CDH8: variants seen among roughly 807,000 people sequenced by gnomAD.
The protein encoded by CDH8 is cadherin-8.
Under a neutral mutation model 68.1 loss-of-function variants are expected in CDH8, and 17 were observed. The observed-to-expected ratio is 0.25, with a 90% confidence interval of 0.17 to 0.37. CDH8 has a LOEUF of 0.37. Ranked by LOEUF, CDH8 falls within the 10% of genes least tolerant of loss-of-function variation. The pLI, the probability that CDH8 is intolerant of heterozygous loss-of-function variation, is 1.00. For missense variants in CDH8, 763 were observed against 999.3 expected, an observed-to-expected ratio of 0.76 and a Z score of 3.19; for synonymous variants, 372 against 365.1, an observed-to-expected ratio of 1.02 and a Z score of -0.21.
At chr16:61,844,291 G>T (rs1409737025) in intron 4 of CDH8, among the ~76,000 whole-genome samples, 19 of 115,004 alleles carry the variant, frequency 1.7e-4, no homozygotes, top group Non-Finnish European at 2.8e-4. Flanking sequence ...TGGGGGGAGG[G>T]GGGAGGGAGG....
intron 2 of CDH8, among the ~76,000 whole-genome samples, chr16:61,931,089 T>C (rs1399574314): frequency 6.6e-6 from 1 of 152,204 alleles, no homozygotes; most frequent in Non-Finnish European, 1.5e-5. Context: ...CATTTCGAAA[T>C]TGTGAGATAT....
At chr16:61,751,830 G>A (rs1960174745) in intron 8 of CDH8, among the ~76,000 whole-genome samples, 2 of 151,944 alleles carry the variant, frequency 1.3e-5, no homozygotes, top group Non-Finnish European at 1.5e-5. Context: ...AACTAAGCAC[G>A]TTATTATACT....
At chr16:61,886,889 T>C (rs1213663055) in intron 3 of CDH8, among the ~76,000 whole-genome samples, 3 of 152,186 alleles carry the variant, frequency 2.0e-5, no homozygotes, top group African/African-American at 7.2e-5. Flanking sequence ...AAGCAACCTA[T>C]ATAAGCTAAC....
chr16:61,915,147 G>T (rs538683666), intron 2 of CDH8, among the ~76,000 whole-genome samples: 1 of 151,834 alleles, frequency 6.6e-6, no homozygotes, highest in Admixed American at 6.6e-5. Context: ...TTACTTTTTC[G>T]ATGTTTTCTA....
intron 2 of CDH8, among the ~76,000 whole-genome samples, chr16:62,005,563 C>G (rs903669581): frequency 6.6e-6 from 1 of 151,748 alleles, no homozygotes; most frequent in Non-Finnish European, 1.5e-5. Context: ...TGGTGAAACT[C>G]CATCTCTACT....
At chr16:61,924,650 A>T (rs1481189858) in intron 2 of CDH8, among the ~76,000 whole-genome samples, 1 of 152,144 alleles carries the variant, frequency 6.6e-6, no homozygotes, top group Non-Finnish European at 1.5e-5. Context: ...ATGGAACAAT[A>T]TAATCAGAAG....
chr16:61,690,011 A>T (rs1964186605), intron 10 of CDH8, among the ~76,000 whole-genome samples: 1 of 152,032 alleles, frequency 6.6e-6, no homozygotes, highest in African/African-American at 2.4e-5. Context: ...GTGATTGTCT[A>T]CGTCTACATT....
At chr16:61,943,039 AC>A (rs1313721740) in intron 2 of CDH8, among the ~76,000 whole-genome samples, 1 of 152,232 alleles carries the variant, frequency 6.6e-6, no homozygotes. Context: ...TCTTGCCTGG[AC>A]AAAAGAGTGA....
intron 3 of CDH8, among the ~76,000 whole-genome samples, chr16:61,878,321 AG>A (rs1471880205): frequency 6.6e-6 from 1 of 152,200 alleles, no homozygotes; most frequent in Non-Finnish European, 1.5e-5. Context: ...AAATGAATGA[AG>A]TCATACCTAC....
chr16:61,970,791 G>C (rs1226857804), intron 2 of CDH8, among the ~76,000 whole-genome samples: 1 of 152,212 alleles, frequency 6.6e-6, no homozygotes, highest in Non-Finnish European at 1.5e-5. Flanking sequence ...GCCCCTGTCA[G>C]GCCTCTGAGC....
chr16:61,804,273 G>C (rs1961742249), intron 7 of CDH8, among the ~76,000 whole-genome samples: 1 of 151,864 alleles, frequency 6.6e-6, no homozygotes, highest in Non-Finnish European at 1.5e-5. Flanking sequence ...AAACCAACGA[G>C]AACAAAGACA....
At position 61,902,360 on chromosome 16, in the gene CDH8, T is replaced by C. The variant is rs531836236; in HGVS notation, c.253-887A>G. Among the ~76,000 whole-genome samples the C allele has an allele frequency of 4.4e-4, 67 of 152,260 alleles. 2 individuals carry two copies. In the South Asian group the frequency reaches 0.013, roughly 30 times the overall value. On this transcript the variant is annotated intron_variant, in intron 2 of 11. Coordinates refer to ENST00000577390, the MANE Select transcript of CDH8 (RefSeq NM_001796.5). ...TGGTTTTAAGGTTCTGACAATTTTC[T>C]CTCAGGCTGGAGACAGGAGTATTCT...
chr16:62,002,562 A>G (rs1308336522), intron 2 of CDH8, among the ~76,000 whole-genome samples: 1 of 152,248 alleles, frequency 6.6e-6, no homozygotes, highest in East Asian at 1.9e-4. Context: ...AGCCATTAGC[A>G]TTATTGATGG....
At chr16:61,849,563 G>T (rs575727326) in intron 4 of CDH8, among the ~76,000 whole-genome samples, 6 of 152,244 alleles carry the variant, frequency 3.9e-5, no homozygotes, top group Admixed American at 2.0e-4. Context: ...TTTGGAGGGG[G>T]TGTGTGATTT....
chr16:61,844,743 GT>G (rs1357109881), intron 4 of CDH8, among the ~76,000 whole-genome samples: 1 of 152,154 alleles, frequency 6.6e-6, no homozygotes, highest in Non-Finnish European at 1.5e-5. Context: ...ATGGGTCAGG[GT>G]GGGTTCCTTT....
chr16:61,652,929 C>A lies in CDH8; in HGVS notation c.*679G>T, dbSNP rs776781338. The A allele has an allele frequency of 1.6e-5, 24 of 1,528,050 alleles. No individual in the cohort carries two copies. The highest frequency in any genetic ancestry group is 2.0e-5 in the Admixed American group (1 of 50,038). 94.7% of individuals were successfully genotyped at this position (1,528,050 alleles called of 1,614,324 possible). On this transcript the variant is annotated 3_prime_UTR_variant, in exon 12 of 12. Coordinates refer to ENST00000577390, the MANE Select transcript of CDH8 (RefSeq NM_001796.5). ...AAACAAGCATGTTTGAATGGGATTTCTCTCCTCCCACCACTGAATTGGCAA... is the reference window on the plus strand; with the variant it reads ...AAACAAGCATGTTTGAATGGGATTTATCTCCTCCCACCACTGAATTGGCAA...
intron 3 of CDH8, among the ~76,000 whole-genome samples, chr16:61,869,448 G>A (rs1271977732): frequency 1.3e-5 from 2 of 152,116 alleles, no homozygotes; most frequent in African/African-American, 4.8e-5. Flanking sequence ...ATGATGAATA[G>A]CCCAACTTCA....
At chr16:61,703,095 G>A (rs67030851) in intron 10 of CDH8, among the ~76,000 whole-genome samples, 17,942 of 152,092 alleles carry the variant, frequency 0.12, 1,064 homozygotes, top group African/African-American at 0.12. Context: ...TCATAGATAT[G>A]TAAACATGCT....
At chr16:61,774,269 G>T (rs769839447) in intron 8 of CDH8, among the ~76,000 whole-genome samples, 1 of 151,916 alleles carries the variant, frequency 6.6e-6, no homozygotes, top group Non-Finnish European at 1.5e-5. Flanking sequence ...AGAAGCCAGA[G>T]TCCTTAGGGA....
Sources: allele counts gnomAD v4.1 joint callset (sites outside exome capture counted in the v4.1 genomes callset), GRCh38; gene constraint gnomAD v4.1.1; transcripts MANE v1.5; gene names NCBI Gene and HGNC (gene_info 2026-07-23, HGNC 2026-07-21).